The following NOX3 variants were observed in gnomAD, a reference collection of about 807,000 sequenced individuals.
The protein encoded by NOX3 is NADPH oxidase 3.
NOX3 carries 74 observed loss-of-function variants against 76.7 expected under a neutral mutation model. The ratio of observed to expected loss-of-function variants is 0.96; its 90% CI spans 0.80 to 1.17. The LOEUF is 1.17. NOX3 is among the 50% of genes most tolerant of loss of function. NOX3 has a pLI of 0.00. For synonymous variants in NOX3, 263 were observed against 261.1 expected, an observed-to-expected ratio of 1.01 and a Z score of -0.07; for missense variants, 695 against 703.3, an observed-to-expected ratio of 0.99 and a Z score of 0.13.
intron 7 of NOX3, among the ~76,000 whole-genome samples, chr6:155,432,663 T>G (rs1046274896): frequency 6.6e-6 from 1 of 152,228 alleles, no homozygotes; most frequent in Non-Finnish European, 1.5e-5. Flanking sequence ...TCTGCTTTTT[T>G]TCCTGGGGGG....
rs1414847548 is a variant in NOX3, at chr6:155,441,955, T to C, written c.486+1318A>G. Among the ~76,000 whole-genome samples, 3 of 152,252 alleles carry C rather than the reference T, an allele frequency of 2.0e-5. No individual in the cohort carries two copies. The East Asian group carries it at 5.8e-4, about 29-fold the overall frequency. ...GGAAGTGTGAAATTTTTGCTTCCAATAGCTGTCAGCTAAGAAAAGGTAGCT... is the reference window on the plus strand; with the variant it reads ...GGAAGTGTGAAATTTTTGCTTCCAACAGCTGTCAGCTAAGAAAAGGTAGCT... On this transcript the variant is annotated intron_variant, in intron 5 of 13. Transcript: ENST00000159060.
chr6:155,412,658 T>G (rs146299138), intron 10 of NOX3, among the ~76,000 whole-genome samples: 118 of 152,278 alleles, frequency 7.7e-4, no homozygotes, highest in Non-Finnish European at 1.2e-3. Flanking sequence ...TATTTCTTCC[T>G]AGGGATGATC....
chr6:155,440,683 CAAAAAAA>C (rs59598361), intron 5 of NOX3, among the ~76,000 whole-genome samples: 1 of 105,586 alleles, frequency 9.5e-6, no homozygotes, highest in Non-Finnish European at 2.2e-5. Context: ...AAAGAAAAAA[CAAAAAAA>C]AAAAAAACCA....
At position 155,455,073 on chromosome 6, in the gene NOX3, T is replaced by C. The variant is rs902718156; in HGVS notation, c.105A>G (p.Glu35=). Residue 35 remains glutamate, a synonymous_variant, in exon 2 of 14, where the codon GAA becomes GAG. Transcript: ENST00000159060. ...YLFIDTFYWY[E]EEESFHYTRV... ...GTGTGTAATGGAAAGACTCCTCCTC[T>C]TCATACCAGTAGAACGTGTCAATAA... 6.2e-7 allele frequency: 1 copy of C among 1,613,330 alleles called. No individual in the cohort carries two copies. Among genetic ancestry groups the C allele is most frequent in the African/African-American group, 1.3e-5 (1 of 74,924 alleles).
At chr6:155,412,802 G>A (rs1052942448) in intron 10 of NOX3, among the ~76,000 whole-genome samples, 1 of 152,154 alleles carries the variant, frequency 6.6e-6, no homozygotes, top group African/African-American at 2.4e-5. Flanking sequence ...CTTCCTACCT[G>A]TCCAGACTCT....
At chr6:155,435,265 A>G (rs75408716) in intron 7 of NOX3, among the ~76,000 whole-genome samples, 4,417 of 152,220 alleles carry the variant, frequency 0.029, 209 homozygotes, top group African/African-American at 0.1. Context: ...CCTGGTCTGT[A>G]TTCATGAGGT....
At chr6:155,447,507 T>C (rs1777079402) in intron 4 of NOX3, among the ~76,000 whole-genome samples, 1 of 152,180 alleles carries the variant, frequency 6.6e-6, no homozygotes. Context: ...AGGTCTCCCA[T>C]AACAGAGCTG....
At chr6:155,424,564 T>C (rs1201445277) in intron 9 of NOX3, among the ~76,000 whole-genome samples, 3 of 152,262 alleles carry the variant, frequency 2.0e-5, no homozygotes, top group Non-Finnish European at 1.5e-5. Flanking sequence ...TACTATGTGT[T>C]CATGAAAGTT....
At chr6:155,437,404 A>G (rs1027508135) in intron 6 of NOX3, among the ~76,000 whole-genome samples, 16 of 152,216 alleles carry the variant, frequency 1.1e-4, no homozygotes, top group African/African-American at 3.6e-4. Context: ...ACACAGACTT[A>G]TGTCCTGGAC....
intron 12 of NOX3, among the ~76,000 whole-genome samples, chr6:155,405,771 G>A (rs1224186056): frequency 6.6e-6 from 1 of 152,130 alleles, no homozygotes; most frequent in Non-Finnish European, 1.5e-5. Flanking sequence ...CACCTCCTCT[G>A]CTGCTCCCTA....
At chr6:155,440,661 C>T (rs1410212924) in intron 5 of NOX3, among the ~76,000 whole-genome samples, 1 of 84,888 alleles carries the variant, frequency 1.2e-5, no homozygotes, top group African/African-American at 3.7e-5. Flanking sequence ...ACAACAATAA[C>T]AAAATGGGAA....
At chr6:155,431,674 T>C (rs1283809837) in intron 7 of NOX3, among the ~76,000 whole-genome samples, 1 of 152,216 alleles carries the variant, frequency 6.6e-6, no homozygotes, top group Non-Finnish European at 1.5e-5. Flanking sequence ...TAAGGTGTCT[T>C]CCTCAGTGAA....
chr6:155,429,142 T>C (rs1776799249), intron 8 of NOX3, 95 bp from the exon 9 acceptor site: 1 of 1,248,012 alleles, frequency 8.0e-7, no homozygotes, highest in African/African-American at 1.5e-5. Context: ...TTAGATCAGC[T>C]TGTTTCAGGT....
intron 10 of NOX3, among the ~76,000 whole-genome samples, chr6:155,419,664 T>C (rs1776665388): frequency 6.6e-6 from 1 of 152,162 alleles, no homozygotes; most frequent in Admixed American, 6.5e-5. Flanking sequence ...CCCTATTTTA[T>C]GGTTTTGTGG....
chr6:155,397,076 TC>T (rs1283030994), intron 12 of NOX3, 114 bp from the exon 13 acceptor site: 1 of 979,842 alleles, frequency 1.0e-6, no homozygotes, highest in African/African-American at 1.7e-5. Context: ...TTTATTTTTC[TC>T]CCTCCATGTC....
At chr6:155,444,055 G>C (rs1777029694) in intron 4 of NOX3, among the ~76,000 whole-genome samples, 1 of 152,166 alleles carries the variant, frequency 6.6e-6, no homozygotes, top group Admixed American at 6.5e-5. Flanking sequence ...ATGCTGATAT[G>C]TATGTATATA....
At chr6:155,409,170 T>C (rs1273045102) in intron 11 of NOX3, among the ~76,000 whole-genome samples, 1 of 152,156 alleles carries the variant, frequency 6.6e-6, no homozygotes, top group Admixed American at 6.6e-5. Flanking sequence ...GCAGAGCTAC[T>C]GCTGGAAAAG....
chr6:155,402,621 C>T (rs1220879882), intron 12 of NOX3, among the ~76,000 whole-genome samples: 2 of 152,142 alleles, frequency 1.3e-5, no homozygotes, highest in African/African-American at 2.4e-5. Context: ...GCTTGTACTA[C>T]TCTCTTTGAT....
chr6:155,415,334 G>A (rs1423748708), intron 10 of NOX3, among the ~76,000 whole-genome samples: 3 of 152,202 alleles, frequency 2.0e-5, no homozygotes, highest in Non-Finnish European at 4.4e-5. Context: ...TCTAATCAAA[G>A]TTGGATGCTT....
Sources: allele counts gnomAD v4.1 joint callset (sites outside exome capture counted in the v4.1 genomes callset), GRCh38; gene constraint gnomAD v4.1.1; transcripts MANE v1.5; gene names NCBI Gene and HGNC (gene_info 2026-07-23, HGNC 2026-07-21).